Variants in SPOCK3 observed in about 807,000 individuals in gnomAD.
The protein encoded by SPOCK3 is testican-3.
In SPOCK3, 30 loss-of-function variants were observed where a neutral mutation model predicts 56.6. The ratio of observed to expected loss-of-function variants is 0.53; its 90% CI spans 0.40 to 0.72. The LOEUF (loss-of-function observed/expected upper bound fraction) is 0.72, where lower values mean the gene tolerates loss of function less well. SPOCK3 is among the 30% of genes least tolerant of loss of function. The pLI is 0.00. For missense variants in SPOCK3, 527 were observed against 530.0 expected (o/e 0.99, Z 0.06); for synonymous variants, 196 against 183.3 (o/e 1.07, Z -0.56).
intron 4 of SPOCK3, 46 bp downstream of exon 4, chr4:167,000,302 GT>G: frequency 1.1e-6 from 1 of 912,498 alleles, no homozygotes. Flanking sequence ...GTTATTCCTG[GT>G]AAGGAGCGCT....
chr4:167,114,108 C>A (rs1761136130), intron 2 of SPOCK3, among the ~76,000 whole-genome samples: 1 of 152,030 alleles, frequency 6.6e-6, no homozygotes, highest in Non-Finnish European at 1.5e-5. Flanking sequence ...CCAGGAATAC[C>A]AGACTAGCTT....
chr4:167,168,036 C>G (rs998797596), intron 2 of SPOCK3, among the ~76,000 whole-genome samples: 3 of 152,114 alleles, frequency 2.0e-5, no homozygotes, highest in African/African-American at 7.2e-5. Flanking sequence ...AGCTCTCTTG[C>G]CTGCTGCCAT....
intron 2 of SPOCK3, among the ~76,000 whole-genome samples, chr4:167,186,235 A>T (rs1731943095): frequency 6.6e-6 from 1 of 152,238 alleles, no homozygotes; most frequent in South Asian, 2.1e-4. Flanking sequence ...ATAAGATTCA[A>T]AATACAAAGA....
intron 6 of SPOCK3, among the ~76,000 whole-genome samples, chr4:166,841,791 G>C (rs79818098): frequency 6.6e-6 from 1 of 152,168 alleles, no homozygotes; most frequent in Non-Finnish European, 1.5e-5. Flanking sequence ...TCTTGAGTAC[G>C]AGCAACATCA....
At chr4:166,823,391 T>G (rs1745137824) in intron 6 of SPOCK3, among the ~76,000 whole-genome samples, 1 of 152,082 alleles carries the variant, frequency 6.6e-6, no homozygotes, top group African/African-American at 2.4e-5. Flanking sequence ...GATGTATATT[T>G]TATTGGACTG....
At chr4:167,178,060 A>G (rs1731135737) in intron 2 of SPOCK3, among the ~76,000 whole-genome samples, 1 of 152,162 alleles carries the variant, frequency 6.6e-6, no homozygotes, top group Non-Finnish European at 1.5e-5. Flanking sequence ...CAGGTAATTG[A>G]GTTCCAGATT....
chr4:167,208,247 T>C (rs2111007045), intron 2 of SPOCK3, among the ~76,000 whole-genome samples: 1 of 152,276 alleles, frequency 6.6e-6, no homozygotes. Context: ...AGAGATTTAT[T>C]GAATGATAAG....
At chr4:167,024,582 T>A (rs1318987498) in intron 3 of SPOCK3, among the ~76,000 whole-genome samples, 1 of 152,044 alleles carries the variant, frequency 6.6e-6, no homozygotes, top group African/African-American at 2.4e-5. Context: ...AACTAAAATA[T>A]TCTTCAATTT....
chr4:167,172,030 T>C (rs1303944592), intron 2 of SPOCK3, among the ~76,000 whole-genome samples: 2 of 151,190 alleles, frequency 1.3e-5, no homozygotes, highest in Non-Finnish European at 2.9e-5. Flanking sequence ...TTTTAAGAAA[T>C]GAAAGAAGCT....
At chr4:166,949,136 C>G (rs187996283) in intron 4 of SPOCK3, among the ~76,000 whole-genome samples, 8 of 152,022 alleles carry the variant, frequency 5.3e-5, no homozygotes, top group Admixed American at 2.0e-4. Flanking sequence ...TGATCGCATC[C>G]GCTCCTGAGG....
chr4:166,801,794 T>C (rs181215998), intron 6 of SPOCK3, among the ~76,000 whole-genome samples: 164 of 152,188 alleles, frequency 1.1e-3, no homozygotes, highest in African/African-American at 3.5e-3. Context: ...TCAATGAAGG[T>C]TAGAAAAAGT....
chr4:166,964,285 G>GA (rs1028826961), intron 4 of SPOCK3, among the ~76,000 whole-genome samples: 2 of 151,612 alleles, frequency 1.3e-5, no homozygotes, highest in African/African-American at 2.4e-5. Flanking sequence ...TGAGGAGAGA[G>GA]AAAAAAACTA....
intron 2 of SPOCK3, among the ~76,000 whole-genome samples, chr4:167,149,313 C>T (rs529155129): frequency 2.0e-5 from 3 of 152,228 alleles, no homozygotes; most frequent in African/African-American, 7.2e-5. Context: ...TTTACTTACT[C>T]ATGATTGACT....
At chr4:167,014,824 G>A (rs1750450367) in intron 3 of SPOCK3, among the ~76,000 whole-genome samples, 1 of 152,032 alleles carries the variant, frequency 6.6e-6, no homozygotes, top group African/African-American at 2.4e-5. Context: ...TGGCCGTTAG[G>A]ATGGAGATGG....
At chr4:167,205,375 T>TA (rs1561321779) in intron 2 of SPOCK3, among the ~76,000 whole-genome samples, 495 of 42,634 alleles carry the variant, frequency 0.012, 36 homozygotes, top group African/African-American at 0.047. Context: ...ATATTTTATA[T>TA]ATATAATATA....
intron 2 of SPOCK3, among the ~76,000 whole-genome samples, chr4:167,138,169 T>A (rs968811646): frequency 2.0e-5 from 3 of 151,786 alleles, no homozygotes; most frequent in Non-Finnish European, 4.4e-5. Context: ...ATCATTTCTT[T>A]ATTTTTCATA....
At chr4:167,125,718 A>T (rs1046073909) in intron 2 of SPOCK3, among the ~76,000 whole-genome samples, 60 of 152,146 alleles carry the variant, frequency 3.9e-4, no homozygotes, top group Admixed American at 6.5e-4. Context: ...CCGTCTCAAA[A>T]AAATAAATAA....
chr4:167,026,844 C>A (rs148408357), intron 3 of SPOCK3, among the ~76,000 whole-genome samples: 3 of 137,002 alleles, frequency 2.2e-5, no homozygotes, highest in Non-Finnish European at 3.1e-5. Flanking sequence ...TTTTCTCAAG[C>A]GTCTGGCTTT....
chr4:167,164,980 A>G (rs1439362919), intron 2 of SPOCK3, among the ~76,000 whole-genome samples: 1 of 152,158 alleles, frequency 6.6e-6, no homozygotes, highest in African/African-American at 2.4e-5. Context: ...GGGTCAAATG[A>G]TATATCTGGT....
Sources: gnomAD v4.1 joint callset for allele counts (sites outside exome capture counted in the v4.1 genomes callset) on GRCh38, gnomAD v4.1.1 for gene constraint, MANE v1.5 for transcripts, NCBI Gene and HGNC (gene_info 2026-07-23, HGNC 2026-07-21) for gene names.